The following TET3 variants were observed in gnomAD, a reference collection of about 807,000 sequenced individuals.
TET3 encodes tet methylcytosine dioxygenase 3.
In TET3, 19 loss-of-function variants were observed where a neutral mutation model predicts 141.4. That is an observed-to-expected ratio of 0.13 (90% confidence interval 0.09 to 0.20). The LOEUF (loss-of-function observed/expected upper bound fraction) is 0.20. Among genes scored for constraint, TET3 ranks in the 10% least tolerant of loss-of-function variants. The pLI, the probability that TET3 is intolerant of heterozygous loss-of-function variation, is 1.00. For synonymous variants in TET3, 1,043 were observed against 980.9 expected, an observed-to-expected ratio of 1.06 and a Z score of -1.18; for missense variants, 1,874 against 2,356.9, an observed-to-expected ratio of 0.80 and a Z score of 4.24.
intron 3 of TET3, among the ~76,000 whole-genome samples, chr2:74,035,411 C>G (rs192413683): frequency 3.4e-5 from 5 of 146,110 alleles, no homozygotes; most frequent in Non-Finnish European, 7.5e-5. Flanking sequence ...TTGCAGTGAG[C>G]CGAGATCGCG....
intron 2 of TET3, among the ~76,000 whole-genome samples, chr2:73,992,313 T>TTTCTTTTTTTTCTTTC (rs1553411624): frequency 1.3e-5 from 2 of 151,374 alleles, no homozygotes; most frequent in African/African-American, 4.9e-5. Flanking sequence ...TTCTTTTTTT[T>TTTCTTTTTTTTCTTTC]TTTTGTTTTG....
chr2:74,054,185 G>A (rs150739349), intron 4 of TET3, among the ~76,000 whole-genome samples: 5 of 152,266 alleles, frequency 3.3e-5, no homozygotes, highest in Non-Finnish European at 7.4e-5. Flanking sequence ...GAGTTTCAGG[G>A]GAAGAGGGGA....
chr2:74,013,717 C>G (rs1685587886), intron 3 of TET3, among the ~76,000 whole-genome samples: 1 of 151,984 alleles, frequency 6.6e-6, no homozygotes, highest in South Asian at 2.1e-4. Flanking sequence ...GAGGCTGAGG[C>G]AGGAGAATGG....
At chr2:74,094,214 T>G in intron 10 of TET3, among the ~76,000 whole-genome samples, 1 of 151,974 alleles carries the variant, frequency 6.6e-6, no homozygotes, top group East Asian at 1.9e-4. Context: ...GACGTTTAAG[T>G]TGAGATGTGA....
chr2:73,991,948 G>A (rs1037020385), intron 2 of TET3, among the ~76,000 whole-genome samples: 1 of 152,106 alleles, frequency 6.6e-6, no homozygotes, highest in Non-Finnish European at 1.5e-5. Context: ...GAGTGAGGGG[G>A]TAAAAGGCCA....
chr2:74,046,532 T>G lies in TET3; in HGVS notation c.615T>G (p.Ala205=). 1 of 1,614,020 alleles carries G rather than the reference T, an allele frequency of 6.2e-7. No individual in the cohort carries two copies. Among genetic ancestry groups the G allele is most frequent in the East Asian group, 2.2e-5 (1 of 44,878 alleles). ...EDAHDLVAFS[A]VAEAVSSYGA... ...CCCACGATCTGGTGGCCTTTTCGGC[T>G]GTGGCCGAAGCTGTGTCCTCTTATG... The change falls in exon 4 of 12, where the codon GCT becomes GCG. Residue 205 remains alanine, a synonymous_variant. Transcript: ENST00000409262. The surrounding 1 kb of genome is among the most constrained non-coding windows in gnomAD (Gnocchi z 4.3).
chr2:74,023,343 A>G (rs1686158440), intron 3 of TET3, among the ~76,000 whole-genome samples: 1 of 152,112 alleles, frequency 6.6e-6, no homozygotes, highest in African/African-American at 2.4e-5. Context: ...CCTGGGCACA[A>G]TCACTCCTCC....
chr2:73,986,367 C>T lies in TET3; in HGVS notation c.-37C>T. ...GAGGTGGCAGGAAACGACTGTGGTT[C>T]TGCCCCAGCACCTATGACCCCACCT... is the stretch of plus-strand genomic sequence containing the variant. On this transcript the variant is annotated 5_prime_UTR_variant, in exon 2 of 12. Transcript: ENST00000409262. 2 of 1,232,040 alleles carry T rather than the reference C, an allele frequency of 1.6e-6. No homozygotes were observed. Among genetic ancestry groups the T allele is most frequent in the South Asian group, 8.3e-5 (2 of 24,240 alleles). The allele number at this position is 1,232,040 out of a possible 1,614,324, so 76.3% of individuals were successfully genotyped here. A position where few individuals can be genotyped will look rare whatever the true frequency, so the allele number is the denominator to read the frequency against.
chr2:74,105,659 G>A lies in TET3; in HGVS notation c.*3483G>A, dbSNP rs1447525372. On this transcript the variant is annotated 3_prime_UTR_variant, in exon 12 of 12. Coordinates refer to ENST00000409262, the MANE Select transcript of TET3 (RefSeq NM_001287491.2). Reference sequence around the variant, plus strand: ...TTGGTCCTTCCACCAGCCTCTTTTGGGAACAGTAGTTTGCAGAGCAAGGGA... The same window carrying A: ...TTGGTCCTTCCACCAGCCTCTTTTGAGAACAGTAGTTTGCAGAGCAAGGGA... The A allele has an allele frequency of 5.9e-6, 2 of 338,386 alleles. No individual in the cohort carries two copies. Among genetic ancestry groups the A allele is most frequent in the African/African-American group, 2.2e-5 (1 of 45,684 alleles). 21.0% of individuals were successfully genotyped at this position (338,386 alleles called of 1,614,324 possible).
intron 5 of TET3, 153 bp downstream of exon 5, chr2:74,073,792 C>G: frequency 1.8e-6 from 1 of 561,678 alleles, no homozygotes; most frequent in Non-Finnish European, 3.0e-6. Context: ...GTGGGATCCT[C>G]ACTTCCATTG....
In TET3 at chr2:74,104,386, A is replaced by G. The variant is rs931520430; in HGVS notation, c.*2210A>G. 1.3e-5 allele frequency: 2 copies of G among 152,124 alleles called. No homozygotes were observed. Among genetic ancestry groups the G allele is most frequent in the Admixed American group, 6.5e-5 (1 of 15,276 alleles). 9.4% of individuals were successfully genotyped at this position (152,124 alleles called of 1,614,324 possible). On this transcript the variant is annotated 3_prime_UTR_variant, in exon 12 of 12. Transcript: ENST00000409262. ...TTCAGTTTGACAAGCTAAAGGAAGCAGAGTCTTTAATGAGCATGCTAATTT... is the reference window on the plus strand; with the variant it reads ...TTCAGTTTGACAAGCTAAAGGAAGCGGAGTCTTTAATGAGCATGCTAATTT...
At chr2:74,126,593 C>G in the TET3 span, among the ~76,000 whole-genome samples, 4 of 151,406 alleles carry the variant, frequency 2.6e-5, no homozygotes, top group Non-Finnish European at 5.9e-5. Context: ...GCTCCGCCTC[C>G]CGGGTTCACA....
chr2:74,029,937 A>G (rs1686582191), intron 3 of TET3, among the ~76,000 whole-genome samples: 1 of 152,360 alleles, frequency 6.6e-6, no homozygotes, highest in African/African-American at 2.4e-5. Context: ...CAGAGTATGT[A>G]TGTAACATGG....
At chr2:74,066,682 C>G (rs1478821692) in intron 4 of TET3, among the ~76,000 whole-genome samples, 1 of 152,190 alleles carries the variant, frequency 6.6e-6, no homozygotes, top group Admixed American at 6.5e-5. Flanking sequence ...TTTCTCTGCC[C>G]TTTGTGTTTT....
chr2:74,028,075 C>T (rs1226844513), intron 3 of TET3, among the ~76,000 whole-genome samples: 1 of 151,770 alleles, frequency 6.6e-6, no homozygotes, highest in Admixed American at 6.6e-5. Context: ...CCTGGAACCC[C>T]TGGGCTCAGG....
chr2:74,052,556 CAA>C lies in TET3; in HGVS notation c.2494+4164_2494+4165del, dbSNP rs70965779. 1.3e-3 allele frequency among the ~76,000 whole-genome samples: 116 copies of C among 92,350 alleles called. 2 individuals are homozygous for C. The highest frequency in any genetic ancestry group is 1.3e-3 in the Non-Finnish European group (57 of 44,592). The allele number at this position is 92,350 out of a possible 152,430, so 60.6% of individuals were successfully genotyped here. ...ATAAAAGCATACAAGTTCCTATAGC[CAA>C]AAAAAAAAAAAAAAAAAATGGTGGG... is the stretch of plus-strand genomic sequence containing the variant. On this transcript the variant is annotated intron_variant, in intron 4 of 11. Coordinates refer to ENST00000409262, the MANE Select transcript of TET3 (RefSeq NM_001287491.2).
chr2:74,102,008 C>G lies in TET3; in HGVS notation c.5220C>G (p.Tyr1740Ter). The G allele has an allele frequency of 6.3e-7, 1 of 1,586,536 alleles. No homozygotes were observed. Reference sequence around the variant, plus strand: ...TGGGCCAGCAGGAGGCCAAGCTCTACGGGAAGAAGCGCAAGTGGGGGGGCA... The same window carrying G: ...TGGGCCAGCAGGAGGCCAAGCTCTAGGGGAAGAAGCGCAAGTGGGGGGGCA... The part of the protein sequence containing the change: ...LGLGQQEAKL[Y>*]GKKRKWGGTV... Residue 1740 changes from tyrosine to a stop codon, truncating the protein, a stop_gained, in exon 12 of 12, where the codon TAC becomes TAG. Coordinates refer to ENST00000409262, the MANE Select transcript of TET3 (RefSeq NM_001287491.2). LOFTEE classifies it high-confidence loss of function.
chr2:74,008,367 C>CTG (rs1190812928), intron 3 of TET3, among the ~76,000 whole-genome samples: 2 of 152,096 alleles, frequency 1.3e-5, no homozygotes, highest in Admixed American at 6.5e-5. Flanking sequence ...AGCCCCTGTA[C>CTG]TGTGTGTGTG....
Position 74,084,017 on chromosome 2 carries a change from C to T in TET3, c.2679+3426C>T, listed in dbSNP as rs187963227. On this transcript the variant is annotated intron_variant, in intron 6 of 11. Coordinates refer to ENST00000409262, the MANE Select transcript of TET3 (RefSeq NM_001287491.2). Reference sequence around the variant, plus strand: ...TAATCTGCAGGAAGCCAGGCAATCACGTAGAGAGTTCTAACTCAGTATCTG... The same window carrying T: ...TAATCTGCAGGAAGCCAGGCAATCATGTAGAGAGTTCTAACTCAGTATCTG... Among the ~76,000 whole-genome samples the T allele has an allele frequency of 5.3e-5, 8 of 152,286 alleles. No individual in the cohort carries two copies. In the South Asian group the frequency reaches 8.3e-4, roughly 16 times the overall value.
Sources: gnomAD v4.1 joint callset for allele counts (sites outside exome capture counted in the v4.1 genomes callset) on GRCh38, gnomAD v4.1.1 for gene constraint, Gnocchi (gnomAD v3.1) non-coding constraint, MANE v1.5 for transcripts, NCBI Gene and HGNC (gene_info 2026-07-23, HGNC 2026-07-21) for gene names.